Variants in RAD51C observed in about 807,000 individuals in gnomAD.
RAD51C encodes the protein DNA repair protein RAD51 homolog 3.
RAD51C carries 42 observed loss-of-function variants against 45.0 expected under a neutral mutation model. The ratio of observed to expected loss-of-function variants is 0.93; its 90% confidence interval spans 0.73 to 1.21. The LOEUF is 1.21. Ranked by LOEUF, RAD51C falls within the 50% of genes most tolerant of loss-of-function variation. RAD51C has a pLI of 0.00. For synonymous variants in RAD51C, 172 were observed against 159.8 expected (o/e 1.08, Z -0.58); for missense variants, 474 against 452.2 (o/e 1.05, Z -0.44).
At chr17:58,693,947 A>G (rs2047898500) in intron 1 of RAD51C, 1 of 152,218 alleles carries the variant, frequency 6.6e-6, no homozygotes, top group South Asian at 2.1e-4. Flanking sequence ...TATTCTTATC[A>G]GATCAAGCAC....
intron 5 of RAD51C, among the ~76,000 whole-genome samples, chr17:58,718,828 C>T (rs1279450823): frequency 2.0e-5 from 3 of 151,954 alleles, no homozygotes; most frequent in East Asian, 1.9e-4. Flanking sequence ...AACAGTAATA[C>T]TATATTTGCT....
At chr17:58,721,071 A>G (rs2143935316) in intron 6 of RAD51C, among the ~76,000 whole-genome samples, 1 of 152,284 alleles carries the variant, frequency 6.6e-6, no homozygotes, top group African/African-American at 2.4e-5. Flanking sequence ...ACTTGAGGCC[A>G]GGAGTTCAAG....
chr17:58,712,491 G>A (rs1360116495), intron 5 of RAD51C, among the ~76,000 whole-genome samples: 1 of 151,780 alleles, frequency 6.6e-6, no homozygotes, highest in Non-Finnish European at 1.5e-5. Context: ...AAATATTTTT[G>A]CAGACTTCAT....
rs763159928 is a variant in RAD51C at position 58,713,537 on chromosome 17, G to A, written c.837+3547G>A. On this transcript the variant is annotated intron_variant, in intron 5 of 8. Transcript: ENST00000337432. ...TAAATTTTTTGTAGAGGCTGGGCACGGTGGCTCACACCTATAACCCACCAC... is the reference window on the plus strand; with the variant it reads ...TAAATTTTTTGTAGAGGCTGGGCACAGTGGCTCACACCTATAACCCACCAC... Among the ~76,000 whole-genome samples the A allele has an allele frequency of 1.4e-4, 22 of 152,038 alleles. No individual in the cohort carries two copies. In the South Asian group the frequency reaches 3.5e-3, roughly 24 times the overall value.
intron 1 of RAD51C, 169 bp from the exon 2 acceptor site, chr17:58,694,762 A>T: frequency 4.1e-6 from 3 of 740,496 alleles, no homozygotes; most frequent in Non-Finnish European, 6.8e-6. Flanking sequence ...GGCATGAGCC[A>T]CTGTGTCCGG....
At chr17:58,728,740 A>C (rs1205895135) in intron 7 of RAD51C, among the ~76,000 whole-genome samples, 1 of 152,188 alleles carries the variant, frequency 6.6e-6, no homozygotes, top group Non-Finnish European at 1.5e-5. Flanking sequence ...TTGGGCATTG[A>C]ACTTAGGTGT....
chr17:58,733,557 G>A (rs2049529018), intron 8 of RAD51C, among the ~76,000 whole-genome samples: 1 of 152,084 alleles, frequency 6.6e-6, no homozygotes, highest in African/African-American at 2.4e-5. Flanking sequence ...TGTTAGGATT[G>A]ACCTTTAGAG....
At chr17:58,699,387 C>T (rs898706087) in intron 3 of RAD51C, among the ~76,000 whole-genome samples, 5 of 151,232 alleles carry the variant, frequency 3.3e-5, no homozygotes, top group African/African-American at 7.3e-5. Context: ...AAAAAAAATG[C>T]TTTTCATAAG....
chr17:58,695,389 T>C (rs965695659), intron 2 of RAD51C, 200 bp downstream of exon 2: 86 of 1,334,106 alleles, frequency 6.4e-5, no homozygotes, highest in Admixed American at 2.4e-4. Flanking sequence ...TATTCTGATG[T>C]GAAAAAGTGT....
At chr17:58,697,522 T>C (rs1274742996) in intron 3 of RAD51C, among the ~76,000 whole-genome samples, 2 of 124,964 alleles carry the variant, frequency 1.6e-5, no homozygotes, top group Non-Finnish European at 3.2e-5. Flanking sequence ...GGCAACAGAG[T>C]GAGACTACTC....
intron 5 of RAD51C, among the ~76,000 whole-genome samples, chr17:58,717,421 C>G (rs2048778412): frequency 6.6e-6 from 1 of 151,804 alleles, no homozygotes; most frequent in Non-Finnish European, 1.5e-5. Flanking sequence ...CAGAGTGAGA[C>G]CCCATTTCTA....
chr17:58,724,243 C>A, intron 7 of RAD51C, 143 bp downstream of exon 7: 1 of 768,156 alleles, frequency 1.3e-6, no homozygotes, highest in Non-Finnish European at 2.3e-6. Flanking sequence ...TCTGATATCA[C>A]CTAGAGCAAA....
intron 8 of RAD51C, chr17:58,732,877 C>T (rs2049489718): frequency 3.3e-6 from 1 of 303,908 alleles, no homozygotes; most frequent in African/African-American, 2.1e-5. Flanking sequence ...TTATTTTGGT[C>T]TGTAGGTATT....
chr17:58,731,682 A>G (rs1228991212), intron 7 of RAD51C, among the ~76,000 whole-genome samples: 2 of 152,242 alleles, frequency 1.3e-5, no homozygotes, highest in Non-Finnish European at 2.9e-5. Context: ...TTAATTGTAT[A>G]AGACATAATA....
chr17:58,710,541 A>G (rs2048525597), intron 5 of RAD51C, among the ~76,000 whole-genome samples: 1 of 149,536 alleles, frequency 6.7e-6, no homozygotes, highest in Non-Finnish European at 1.5e-5. Flanking sequence ...AAGAAATGCC[A>G]CCTTTGTTAA....
intron 4 of RAD51C, among the ~76,000 whole-genome samples, chr17:58,703,933 CTTTTTTTTTTTT>C (rs67254535): frequency 3.0e-5 from 2 of 66,480 alleles, no homozygotes; most frequent in Non-Finnish European, 6.1e-5. Flanking sequence ...CATGTATCAC[CTTTTTTTTTTTT>C]TTTTTTTTTT....
chr17:58,719,379 A>AT (rs2048841236), intron 5 of RAD51C, among the ~76,000 whole-genome samples: 1 of 151,356 alleles, frequency 6.6e-6, no homozygotes, highest in African/African-American at 2.4e-5. Context: ...TGCCCAGCTA[A>AT]TTTTTTAAAA....
intron 8 of RAD51C, among the ~76,000 whole-genome samples, chr17:58,733,450 T>G (rs879866267): frequency 2.0e-5 from 3 of 152,228 alleles, no homozygotes; most frequent in Non-Finnish European, 2.9e-5. Context: ...ATATCATAGT[T>G]GGAAAACTTT....
chr17:58,728,401 T>C (rs1218100995), intron 7 of RAD51C, among the ~76,000 whole-genome samples: 5 of 114,080 alleles, frequency 4.4e-5, no homozygotes, highest in African/African-American at 2.1e-4. Context: ...CTTTTTTTTT[T>C]TTCTTTTTTT....
Sources: gnomAD v4.1 joint callset for allele counts (sites outside exome capture counted in the v4.1 genomes callset) on GRCh38, gnomAD v4.1.1 for gene constraint, MANE v1.5 for transcripts, NCBI Gene and HGNC (gene_info 2026-07-23, HGNC 2026-07-21) for gene names.